The following SLC22A5 variants were observed in gnomAD, a reference collection of about 807,000 sequenced individuals.
The protein encoded by SLC22A5 is organic cation/carnitine transporter 2.
Under a neutral mutation model 56.7 loss-of-function variants are expected in SLC22A5, and 44 were observed. The observed-to-expected ratio is 0.78, with a 90% CI of 0.61 to 1.00. The LOEUF is 1.00. Among genes scored for constraint, SLC22A5 ranks in the 50% least tolerant of loss-of-function variants. The pLI is 0.00. For synonymous variants in SLC22A5, 278 were observed against 292.1 expected (o/e 0.95, Z 0.49); for missense variants, 675 against 723.0 (o/e 0.93, Z 0.76).
At chr5:132,387,308 C>G (rs373522199) in intron 5 of SLC22A5, among the ~76,000 whole-genome samples, 157 bp downstream of exon 5, 6 of 151,492 alleles carry the variant, frequency 4.0e-5, no homozygotes, top group Non-Finnish European at 5.9e-5. Flanking sequence ...TCCCCACCCC[C>G]ACACGGGCCC....
rs750736082 is a variant in SLC22A5 at position 132,370,953 on chromosome 5, C to CTTTTTTTTTTTTTTTTTTTTTTTTTTT, written c.393+600_393+601insTTTTTTTTTTTTTTTTTTTTTTTTTTT. Among the ~76,000 whole-genome samples the CTTTTTTTTTTTTTTTTTTTTTTTTTTT allele has an allele frequency of 2.5e-4, 33 of 133,798 alleles. 1 individual carries two copies. Among genetic ancestry groups the CTTTTTTTTTTTTTTTTTTTTTTTTTTT allele is most frequent in the African/African-American group, 6.8e-4 (25 of 36,920 alleles). 87.8% of individuals were successfully genotyped at this position (133,798 alleles called of 152,430 possible). On this transcript the variant is annotated intron_variant, in intron 1 of 9. Coordinates refer to ENST00000245407, the MANE Select transcript of SLC22A5 (RefSeq NM_003060.4). ...CCTTTTCCCATGGTCAGTTGTCAGT[C>CTTTTTTTTTTTTTTTTTTTTTTTTTTT]TTTTTTTTTTTTGAGACAGAGTCTC...
chr5:132,370,372 G>T lies in SLC22A5; in HGVS notation c.393+7G>T, dbSNP rs2126765681. ...GTCCACCATTGTGACCGAGGTGGGTGCCGGCCCCTGCTGGGGCTGAGACCA... is the reference window on the plus strand; with the variant it reads ...GTCCACCATTGTGACCGAGGTGGGTTCCGGCCCCTGCTGGGGCTGAGACCA... On this transcript the variant is annotated splice_region_variant and intron_variant, in intron 1 of 9. Coordinates refer to ENST00000245407, the MANE Select transcript of SLC22A5 (RefSeq NM_003060.4). 1 of 1,611,416 alleles carries T rather than the reference G, an allele frequency of 6.2e-7. No individual in the cohort carries two copies. Among genetic ancestry groups the T allele is most frequent in the Non-Finnish European group, 8.5e-7 (1 of 1,179,474 alleles).
Position 132,394,416 on chromosome 5 carries a change from C to T in SLC22A5, c.*144C>T. ...TGTGTCTGACTTGCTCCTGGATGGG[C>T]ACCCACACTCAGAGGCTACATATGG... On this transcript the variant is annotated 3_prime_UTR_variant, in exon 10 of 10. Coordinates refer to ENST00000245407, the MANE Select transcript of SLC22A5 (RefSeq NM_003060.4). The T allele has an allele frequency of 1.4e-6, 1 of 734,224 alleles. No individual in the cohort carries two copies. Among genetic ancestry groups the T allele is most frequent in the Admixed American group, 2.0e-5 (1 of 49,858 alleles). The allele number at this position is 734,224 out of a possible 1,614,324, so 45.5% of individuals were successfully genotyped here. A position where few individuals can be genotyped will look rare whatever the true frequency, so the allele number is the denominator to read the frequency against.
rs772169460 is a variant in SLC22A5, at chr5:132,392,468, G to A, written c.1303G>A (p.Gly435Ser). The change falls in exon 8 of 10, where the codon GGC becomes AGC. Residue 435 changes from glycine to serine, a missense_variant. By Grantham distance (56) the Gly-to-Ser change is moderately conservative. Transcript: ENST00000245407. ...YYLATVLVMV[G>S]KFGVTAAFSM... Reference sequence around the variant, plus strand: ...TTTGGCTACAGTCCTGGTGATGGTGGGCAAGTTTGGAGTCACGGCTGCCTT... The same window carrying A: ...TTTGGCTACAGTCCTGGTGATGGTGAGCAAGTTTGGAGTCACGGCTGCCTT... 3.7e-6 allele frequency: 6 copies of A among 1,614,050 alleles called. No homozygotes were observed. Among genetic ancestry groups the A allele is most frequent in the Non-Finnish European group, 4.2e-6 (5 of 1,180,036 alleles).
chr5:132,392,929 A>C (rs936573734), intron 8 of SLC22A5, among the ~76,000 whole-genome samples: 2 of 152,194 alleles, frequency 1.3e-5, no homozygotes, highest in African/African-American at 4.8e-5. Context: ...TGGTTTAGGG[A>C]GCCAGTGTGC....
chr5:132,389,848 G>A (rs1278251479), intron 6 of SLC22A5: 1 of 154,422 alleles, frequency 6.5e-6, no homozygotes, highest in Non-Finnish European at 1.4e-5. Context: ...GGAGCAGCAT[G>A]TAGCCTGCAC....
At chr5:132,378,503 G>T (rs879183398) in intron 2 of SLC22A5, 22 bp downstream of exon 2, 4 of 1,567,820 alleles carry the variant, frequency 2.6e-6, no homozygotes, top group Non-Finnish European at 3.5e-6. Flanking sequence ...GTCTTCTGGA[G>T]CACCAGGGGA....
chr5:132,374,528 C>A (rs536990566), intron 1 of SLC22A5, among the ~76,000 whole-genome samples: 56 of 152,172 alleles, frequency 3.7e-4, no homozygotes, highest in Non-Finnish European at 7.8e-4. Context: ...CTCACTGTTA[C>A]GCCTTTGTTG....
chr5:132,375,696 G>A (rs1450097777), intron 1 of SLC22A5, among the ~76,000 whole-genome samples: 2 of 152,184 alleles, frequency 1.3e-5, no homozygotes, highest in South Asian at 2.1e-4. Context: ...TGGCACACAT[G>A]TATCTCTACA....
intron 1 of SLC22A5, among the ~76,000 whole-genome samples, chr5:132,373,954 C>T (rs577475877): frequency 6.6e-6 from 1 of 152,266 alleles, no homozygotes; most frequent in Admixed American, 6.5e-5. Flanking sequence ...TGTGGTGGCT[C>T]ATGCCTGTAA....
At chr5:132,383,893 T>A (rs1050836213) in intron 2 of SLC22A5, 1 of 547,000 alleles carries the variant, frequency 1.8e-6, no homozygotes, top group Non-Finnish European at 3.3e-6. Context: ...TTCAGTCTCT[T>A]GCAATCATTA....
chr5:132,385,522 T>C (rs1370081983), intron 4 of SLC22A5, 23 bp downstream of exon 4: 10 of 1,607,666 alleles, frequency 6.2e-6, no homozygotes, highest in Non-Finnish European at 8.5e-6. Flanking sequence ...TTGTGCCCCA[T>C]GTGCCCACTG....
chr5:132,385,634 G>C lies in SLC22A5; in HGVS notation c.824+135G>C, dbSNP rs1009433725. Reference sequence around the variant, plus strand: ...GAAGCATAGATTATAAATTATTTCAGAATGTTTTCTCCACACTCAAAAGAG... The same window carrying C: ...GAAGCATAGATTATAAATTATTTCACAATGTTTTCTCCACACTCAAAAGAG... On this transcript the variant is annotated intron_variant, in intron 4 of 9. Coordinates refer to ENST00000245407, the MANE Select transcript of SLC22A5 (RefSeq NM_003060.4). The C allele has an allele frequency of 1.3e-4, 103 of 790,346 alleles. 1 individual carries two copies. The highest frequency in any genetic ancestry group is 1.3e-3 in the African/African-American group (76 of 58,774). The allele number at this position is 790,346 out of a possible 1,614,324, so 49.0% of individuals were successfully genotyped here.
rs775002118 is a variant in SLC22A5 at position 132,388,904 on chromosome 5, T to C, written c.952-17T>C. On this transcript the variant is annotated splice_polypyrimidine_tract_variant and intron_variant, in intron 5 of 9. Coordinates refer to ENST00000245407, the MANE Select transcript of SLC22A5 (RefSeq NM_003060.4). ...ACCACCTCTTCTTCCCATACACTTA[T>C]GATGTTGTTCCTGCAGTTACAAGAC... The C allele has an allele frequency of 3.3e-6, 5 of 1,536,238 alleles. No homozygotes were observed. The highest frequency in any genetic ancestry group is 2.2e-5 in the South Asian group (2 of 89,466).
At chr5:132,371,639 A>T (rs1206772849) in intron 1 of SLC22A5, among the ~76,000 whole-genome samples, 3 of 152,178 alleles carry the variant, frequency 2.0e-5, no homozygotes, top group African/African-American at 7.2e-5. Context: ...AAATGTGCAG[A>T]TGACCAATTC....
chr5:132,375,592 T>C (rs989243214), intron 1 of SLC22A5, among the ~76,000 whole-genome samples: 1 of 152,238 alleles, frequency 6.6e-6, no homozygotes, highest in African/African-American at 2.4e-5. Flanking sequence ...GTATGAGGTA[T>C]AGGAGACACA....
chr5:132,374,377 G>A (rs1296406453), intron 1 of SLC22A5, among the ~76,000 whole-genome samples: 1 of 152,188 alleles, frequency 6.6e-6, no homozygotes, highest in South Asian at 2.1e-4. Flanking sequence ...CTTATCTTGT[G>A]TAGAGACAGA....
intron 2 of SLC22A5, chr5:132,383,807 G>T: frequency 3.2e-6 from 1 of 313,682 alleles, no homozygotes; most frequent in Non-Finnish European, 6.1e-6. Flanking sequence ...TTGTTTCTCT[G>T]TTATTCTCCA....
rs1319889867 is a variant in SLC22A5, at chr5:132,370,027, C to T, written c.55C>T (p.Arg19Cys). 3.1e-6 allele frequency: 5 copies of T among 1,613,410 alleles called. No individual in the cohort carries two copies. The highest frequency in any genetic ancestry group is 2.2e-5 in the East Asian group (1 of 44,856). The change falls in exon 1 of 10, where the codon CGC (arginine) becomes TGC (cysteine). Residue 19 changes from arginine (R) to cysteine (C), a missense_variant. Coordinates refer to ENST00000245407, the MANE Select transcript of SLC22A5 (RefSeq NM_003060.4). Reference sequence around the variant, plus strand: ...CCTGGGCGAGTGGGGGCCCTTCCAGCGCCTCATCTTCTTCCTGCTCAGCGC... The same window carrying T: ...CCTGGGCGAGTGGGGGCCCTTCCAGTGCCTCATCTTCTTCCTGCTCAGCGC... Reference protein sequence around the residue: ...AFLGEWGPFQRLIFFLLSASI... With the variant: ...AFLGEWGPFQCLIFFLLSASI...
Sources: gnomAD v4.1 joint callset for allele counts (sites outside exome capture counted in the v4.1 genomes callset) on GRCh38, gnomAD v4.1.1 for gene constraint, MANE v1.5 for transcripts, NCBI Gene and HGNC (gene_info 2026-07-23, HGNC 2026-07-21) for gene names.